The following TRERF1 variants were observed in gnomAD, a reference collection of about 807,000 sequenced individuals.
The protein encoded by TRERF1 is transcriptional regulating factor 1, also known as transcriptional-regulating factor 1.
Under a neutral mutation model 122.9 loss-of-function variants are expected in TRERF1, and 27 were observed. That is an observed-to-expected ratio of 0.22 (90% CI 0.16 to 0.30). The LOEUF is 0.30. Ranked by LOEUF, TRERF1 falls within the 10% of genes least tolerant of loss-of-function variation. The pLI is 1.00. For synonymous variants in TRERF1, 636 were observed against 641.7 expected (o/e 0.99, Z 0.13); for missense variants, 1,248 against 1,560.3 (o/e 0.80, Z 3.37).
At chr6:42,422,248 A>C (rs1210369595) in intron 2 of TRERF1, among the ~76,000 whole-genome samples, 3 of 151,554 alleles carry the variant, frequency 2.0e-5, no homozygotes, top group Non-Finnish European at 2.9e-5. Flanking sequence ...AGCCGGGCAC[A>C]GTGGCTCACA....
chr6:42,278,784 AG>A (rs892183827), intron 4 of TRERF1, among the ~76,000 whole-genome samples: 8 of 152,186 alleles, frequency 5.3e-5, no homozygotes, highest in Non-Finnish European at 1.0e-4. Flanking sequence ...GTGTCCCCTA[AG>A]GAGGAGCTGC....
chr6:42,247,880 T>G (rs1278261921), intron 13 of TRERF1, among the ~76,000 whole-genome samples: 1 of 152,172 alleles, frequency 6.6e-6, no homozygotes, highest in Non-Finnish European at 1.5e-5. Flanking sequence ...GGCTTTGACC[T>G]CACTACACTT....
At chr6:42,258,305 C>T (rs1777127999) in intron 9 of TRERF1, 104 bp from the exon 10 acceptor site, 1 of 991,136 alleles carries the variant, frequency 1.0e-6, no homozygotes, top group Non-Finnish European at 1.6e-6. Flanking sequence ...AGCTTCTCTC[C>T]TACCCAGCTC....
intron 12 of TRERF1, among the ~76,000 whole-genome samples, chr6:42,256,112 T>C (rs12197162): frequency 0.2 from 27,344 of 135,986 alleles, 2,811 homozygotes; most frequent in African/African-American, 0.29. Flanking sequence ...GCCTGGGCGA[T>C]AGAGTGAGAC....
In TRERF1 at chr6:42,285,146, CTT is replaced by C. The variant is rs1443515673; in HGVS notation, c.-258-15300_-258-15299del. Among the ~76,000 whole-genome samples, 4 of 152,274 alleles carry C rather than the reference CTT, an allele frequency of 2.6e-5. No individual in the cohort carries two copies. The East Asian group carries it at 7.7e-4, about 29-fold the overall frequency. ...ATGTTCTTCCATTTGTTTGTATCCTCTTTTATTTCCTTGAGCAGTGGTTTGTA... is the reference window on the plus strand; with the variant it reads ...ATGTTCTTCCATTTGTTTGTATCCTCTTATTTCCTTGAGCAGTGGTTTGTA... On this transcript the variant is annotated intron_variant, in intron 4 of 17. Transcript: ENST00000372922.
intron 2 of TRERF1, among the ~76,000 whole-genome samples, chr6:42,448,223 A>G (rs1787882173): frequency 6.6e-6 from 1 of 152,196 alleles, no homozygotes; most frequent in African/African-American, 2.4e-5. Context: ...CCCCAAAGCT[A>G]TCTCCTCCTG....
chr6:42,336,893 G>A (rs1405716882), intron 3 of TRERF1, among the ~76,000 whole-genome samples: 2 of 152,218 alleles, frequency 1.3e-5, no homozygotes, highest in Non-Finnish European at 2.9e-5. Context: ...GGCTGTGTGA[G>A]GGCACTGGGG....
chr6:42,282,089 T>C (rs1224390947), intron 4 of TRERF1, among the ~76,000 whole-genome samples: 1 of 152,076 alleles, frequency 6.6e-6, no homozygotes, highest in African/African-American at 2.4e-5. Flanking sequence ...TTCTAGGGAG[T>C]TGGTTAAAGC....
chr6:42,412,036 T>C (rs945328927), intron 2 of TRERF1, among the ~76,000 whole-genome samples: 6 of 151,124 alleles, frequency 4.0e-5, no homozygotes, highest in Non-Finnish European at 8.8e-5. Context: ...GTTTTGCTCT[T>C]GTTGCCCAGG....
At chr6:42,234,960 G>A (rs1010852737) in intron 16 of TRERF1, among the ~76,000 whole-genome samples, 11 of 151,994 alleles carry the variant, frequency 7.2e-5, no homozygotes, top group Non-Finnish European at 2.9e-5. Flanking sequence ...AGTCATTATC[G>A]CAATCATGCT....
chr6:42,373,518 T>C (rs1369408470), intron 2 of TRERF1, among the ~76,000 whole-genome samples: 1 of 151,718 alleles, frequency 6.6e-6, no homozygotes, highest in Non-Finnish European at 1.5e-5. Context: ...ATACAAAAAA[T>C]TAGCTGGGTG....
intron 2 of TRERF1, among the ~76,000 whole-genome samples, chr6:42,390,421 T>C (rs1349597195): frequency 2.0e-5 from 3 of 152,084 alleles, no homozygotes; most frequent in African/African-American, 7.2e-5. Context: ...AACCCAACCA[T>C]TTGAGAGAGC....
intron 14 of TRERF1, among the ~76,000 whole-genome samples, 172 bp from the exon 15 acceptor site, chr6:42,243,533 C>G (rs1164480923): frequency 6.6e-6 from 1 of 151,942 alleles, no homozygotes; most frequent in Non-Finnish European, 1.5e-5. Flanking sequence ...ACCCCTCACC[C>G]TGCAACACAG....
chr6:42,259,297 C>G lies in TRERF1; in HGVS notation c.2269+42G>C. The G allele has an allele frequency of 6.8e-7, 1 of 1,479,624 alleles. No individual in the cohort carries two copies. The highest frequency in any genetic ancestry group is 8.9e-7 in the Non-Finnish European group (1 of 1,124,014). The allele number at this position is 1,479,624 out of a possible 1,614,324, so 91.7% of individuals were successfully genotyped here. A position where few individuals can be genotyped will look rare whatever the true frequency, so the allele number is the denominator to read the frequency against. On this transcript the variant is annotated intron_variant, in intron 9 of 17. Coordinates refer to ENST00000372922, the Ensembl canonical transcript of TRERF1. The surrounding 1 kb of genome is among the most constrained non-coding windows in gnomAD (Gnocchi z 4.9). ...AAAACGAGATGTCCCAGGACTTTAC[C>G]CAGCACCCAGAGCCCAGGAGGACGC...
At chr6:42,296,411 T>C (rs1025634514) in intron 4 of TRERF1, among the ~76,000 whole-genome samples, 1 of 152,212 alleles carries the variant, frequency 6.6e-6, no homozygotes, top group Non-Finnish European at 1.5e-5. Flanking sequence ...AGTGGTCTGT[T>C]CTCAGTCATA....
chr6:42,398,226 C>T (rs1778903784), intron 2 of TRERF1, among the ~76,000 whole-genome samples: 1 of 152,184 alleles, frequency 6.6e-6, no homozygotes, highest in Non-Finnish European at 1.5e-5. Flanking sequence ...TACCAGCCCT[C>T]TCCTAATGCC....
chr6:42,413,887 A>C (rs1028797990), intron 2 of TRERF1, among the ~76,000 whole-genome samples: 3 of 152,260 alleles, frequency 2.0e-5, no homozygotes, highest in Admixed American at 1.3e-4. Context: ...CAAGAATGTG[A>C]GCAAATGTCA....
intron 13 of TRERF1, among the ~76,000 whole-genome samples, chr6:42,248,145 G>A (rs1325541192): frequency 6.6e-6 from 1 of 152,098 alleles, no homozygotes; most frequent in Non-Finnish European, 1.5e-5. Context: ...ACCACAGGTG[G>A]GGAGCCTAGG....
At chr6:42,414,049 A>C (rs1304696919) in intron 2 of TRERF1, among the ~76,000 whole-genome samples, 2 of 152,180 alleles carry the variant, frequency 1.3e-5, no homozygotes, top group Non-Finnish European at 2.9e-5. Flanking sequence ...TGATACAAGG[A>C]ATTTTATGTG....
Sources: allele counts gnomAD v4.1 joint callset (sites outside exome capture counted in the v4.1 genomes callset), GRCh38; gene constraint gnomAD v4.1.1; non-coding constraint Gnocchi (gnomAD v3.1); transcripts MANE v1.5; gene names NCBI Gene and HGNC (gene_info 2026-07-23, HGNC 2026-07-21).